The following DGKB variants were observed in gnomAD, a reference collection of about 807,000 sequenced individuals.
DGKB encodes the protein 90 kDa diacylglycerol kinase.
DGKB carries 67 observed loss-of-function variants against 114.3 expected under a neutral mutation model. The ratio of observed to expected loss-of-function variants is 0.59; its 90% CI spans 0.48 to 0.72. The LOEUF (loss-of-function observed/expected upper bound fraction) is 0.72. Ranked by LOEUF, DGKB falls within the 30% of genes least tolerant of loss-of-function variation. The probability of loss-of-function intolerance (pLI) is 0.00; values close to 1 mark genes in which losing one functional copy is unlikely to be tolerated. For missense variants in DGKB, 907 were observed against 975.2 expected, an observed-to-expected ratio of 0.93 and a Z score of 0.93; for synonymous variants, 398 against 323.1, an observed-to-expected ratio of 1.23 and a Z score of -2.49.
chr7:14,264,717 T>C (rs1387120729), intron 23 of DGKB, among the ~76,000 whole-genome samples: 2 of 152,138 alleles, frequency 1.3e-5, no homozygotes, highest in Non-Finnish European at 2.9e-5. Flanking sequence ...TGTGCAAGCA[T>C]CCCAGTATAG....
intron 23 of DGKB, among the ~76,000 whole-genome samples, chr7:14,331,344 T>G (rs1809678824): frequency 6.6e-6 from 1 of 152,018 alleles, no homozygotes; most frequent in Admixed American, 6.6e-5. Context: ...TGTTTCCAAA[T>G]TTAATTGATT....
chr7:14,222,913 G>C (rs1332354551), intron 23 of DGKB, among the ~76,000 whole-genome samples: 3 of 151,356 alleles, frequency 2.0e-5, no homozygotes, highest in Non-Finnish European at 3.0e-5. Context: ...TTTATCTCTG[G>C]TATCATTCTT....
At chr7:14,883,002 C>A (rs1290112386) in intron 1 of DGKB, among the ~76,000 whole-genome samples, 1 of 151,634 alleles carries the variant, frequency 6.6e-6, no homozygotes, top group East Asian at 1.9e-4. Flanking sequence ...ATATGGCTAT[C>A]TGAGAGTAGG....
At position 14,342,546 on chromosome 7, in the gene DGKB, A is replaced by G. The variant is rs17150055; in HGVS notation, c.1926+2755T>C. On this transcript the variant is annotated intron_variant, in intron 22 of 25. Coordinates refer to ENST00000402815, the MANE Select transcript of DGKB (RefSeq NM_001350709.2). ...TTTAAAAAATTCTACTTCGTGTATC[A>G]TTAAATCTTTACATGTATGTGTAAA... Among the ~76,000 whole-genome samples, 152 of 152,052 alleles carry G rather than the reference A, an allele frequency of 1.0e-3. No homozygotes were observed. The East Asian group carries it at 0.026, about 26-fold the overall frequency.
At chr7:14,803,393 A>G (rs889329841) in intron 2 of DGKB, among the ~76,000 whole-genome samples, 4 of 152,176 alleles carry the variant, frequency 2.6e-5, no homozygotes, top group Non-Finnish European at 4.4e-5. Context: ...TAATATTATT[A>G]TACCAGTTAA....
intron 14 of DGKB, among the ~76,000 whole-genome samples, chr7:14,623,662 T>C (rs1415482998): frequency 6.6e-6 from 1 of 152,166 alleles, no homozygotes; most frequent in African/African-American, 2.4e-5. Flanking sequence ...TGGCTGAAAA[T>C]GGATGCCATA....
chr7:14,475,030 G>A (rs1254663221), intron 21 of DGKB, among the ~76,000 whole-genome samples: 1 of 151,944 alleles, frequency 6.6e-6, no homozygotes, highest in Admixed American at 6.6e-5. Flanking sequence ...ACCTTTCCCT[G>A]TTCTTTCAAT....
At position 14,864,504 on chromosome 7, in the gene DGKB, C is replaced by T. The variant is rs1851438766; in HGVS notation, c.-187-23054G>A. On this transcript the variant is annotated intron_variant, in intron 1 of 25. Transcript: ENST00000402815. ...ACAATATTTGCCCTTGAAAATTATA[C>T]AGTCTGATTGGAAATAAATGTTATG... Among the ~76,000 whole-genome samples, 3 of 152,030 alleles carry T rather than the reference C, an allele frequency of 2.0e-5. No individual in the cohort carries two copies. The South Asian group carries it at 6.2e-4, about 32-fold the overall frequency.
intron 13 of DGKB, among the ~76,000 whole-genome samples, chr7:14,659,897 A>G (rs1307550583): frequency 1.3e-5 from 2 of 151,988 alleles, no homozygotes; most frequent in East Asian, 3.9e-4. Context: ...ACTATTTTGA[A>G]ATACGTCCCA....
At position 14,769,746 on chromosome 7, in the gene DGKB, C is replaced by T. The variant is rs551872947; in HGVS notation, c.71-12015G>A. Among the ~76,000 whole-genome samples, 14 of 152,056 alleles carry T rather than the reference C, an allele frequency of 9.2e-5. No individual in the cohort carries two copies. The East Asian group carries it at 1.9e-3, about 21-fold the overall frequency. On this transcript the variant is annotated intron_variant, in intron 2 of 25. Coordinates refer to ENST00000402815, the MANE Select transcript of DGKB (RefSeq NM_001350709.2). Reference sequence around the variant, plus strand: ...GGCTCTCATAGGAATTAGTTTCACACCTCTCCTCTAGTTTCTGGTGGCTGC... The same window carrying T: ...GGCTCTCATAGGAATTAGTTTCACATCTCTCCTCTAGTTTCTGGTGGCTGC...
chr7:14,562,292 C>A (rs1796778007), intron 20 of DGKB, among the ~76,000 whole-genome samples: 1 of 152,148 alleles, frequency 6.6e-6, no homozygotes. Context: ...GGGGTGGGGA[C>A]CTCATGTAGA....
intron 9 of DGKB, 101 bp downstream of exon 9, chr7:14,693,974 C>T (rs945463238): frequency 1.3e-5 from 18 of 1,384,816 alleles, no homozygotes; most frequent in Non-Finnish European, 1.6e-5. Context: ...TCACTGCATG[C>T]TTAATGGTAG....
chr7:14,712,154 AT>A (rs1827461909), intron 6 of DGKB, among the ~76,000 whole-genome samples: 2 of 152,202 alleles, frequency 1.3e-5, no homozygotes, highest in African/African-American at 2.4e-5. Context: ...AGTGGGAAAA[AT>A]CTCATCACCA....
At chr7:14,748,305 T>C (rs181627987) in intron 4 of DGKB, among the ~76,000 whole-genome samples, 46 of 152,192 alleles carry the variant, frequency 3.0e-4, no homozygotes, top group Admixed American at 2.6e-3. Context: ...TTAAATGCTA[T>C]AGAAAAAAAA....
At chr7:14,547,091 A>C (rs1288796278) in intron 20 of DGKB, among the ~76,000 whole-genome samples, 1 of 152,192 alleles carries the variant, frequency 6.6e-6, no homozygotes, top group African/African-American at 2.4e-5. Flanking sequence ...TATGAAATTA[A>C]AATTGTTGAT....
intron 2 of DGKB, among the ~76,000 whole-genome samples, chr7:14,827,350 G>T (rs887966959): frequency 1.1e-4 from 17 of 152,182 alleles, no homozygotes; most frequent in African/African-American, 4.1e-4. Context: ...GAAAGTTTCA[G>T]AAGCCTCTTC....
chr7:14,341,051 G>A (rs1001489591), intron 22 of DGKB, among the ~76,000 whole-genome samples: 19 of 151,536 alleles, frequency 1.3e-4, no homozygotes, highest in African/African-American at 4.1e-4. Context: ...AAACATGAGT[G>A]TATGCTATTA....
intron 21 of DGKB, among the ~76,000 whole-genome samples, chr7:14,397,960 T>C (rs1490726508): frequency 6.6e-6 from 1 of 152,068 alleles, no homozygotes; most frequent in Non-Finnish European, 1.5e-5. Context: ...TACAAAACAG[T>C]GGTGCAAAAA....
intron 23 of DGKB, among the ~76,000 whole-genome samples, chr7:14,197,194 TAGAAG>T (rs1785150960): frequency 6.6e-6 from 1 of 152,106 alleles, no homozygotes; most frequent in Non-Finnish European, 1.5e-5. Context: ...TACCTCCTCT[TAGAAG>T]AGATATACCC....
Sources: allele counts gnomAD v4.1 joint callset (sites outside exome capture counted in the v4.1 genomes callset), GRCh38; gene constraint gnomAD v4.1.1; transcripts MANE v1.5; gene names NCBI Gene and HGNC (gene_info 2026-07-23, HGNC 2026-07-21).